The following EDIL3 variants were observed in gnomAD, a reference collection of about 807,000 sequenced individuals.
The protein encoded by EDIL3 is EGF like and discoidin domains 3.
EDIL3 carries 37 observed loss-of-function variants against 67.4 expected under a neutral mutation model. That is an observed-to-expected ratio of 0.55 (90% CI 0.42 to 0.72). The LOEUF (loss-of-function observed/expected upper bound fraction) is 0.72. Among genes scored for constraint, EDIL3 ranks in the 30% least tolerant of loss-of-function variants. The pLI, the probability that EDIL3 is intolerant of heterozygous loss-of-function variation, is 0.00. For missense variants in EDIL3, 527 were observed against 586.3 expected (o/e 0.90, Z 1.04); for synonymous variants, 195 against 196.3 (o/e 0.99, Z 0.05).
intron 6 of EDIL3, among the ~76,000 whole-genome samples, chr5:84,099,469 CA>C: frequency 6.6e-6 from 1 of 152,082 alleles, no homozygotes; most frequent in Non-Finnish European, 1.5e-5. Context: ...CCAAAACAAG[CA>C]ATGGGGAAAG....
chr5:83,964,376 T>G (rs968700651), intron 9 of EDIL3, among the ~76,000 whole-genome samples: 3 of 151,968 alleles, frequency 2.0e-5, no homozygotes, highest in Admixed American at 2.0e-4. Context: ...CTTCCACCTA[T>G]TTCCTATGAC....
intron 3 of EDIL3, among the ~76,000 whole-genome samples, chr5:84,187,956 T>C (rs1743499559): frequency 2.0e-5 from 3 of 152,046 alleles, no homozygotes; most frequent in African/African-American, 7.2e-5. Context: ...ACGTAAACTA[T>C]TTTATGATAC....
intron 1 of EDIL3, among the ~76,000 whole-genome samples, chr5:84,264,958 A>G (rs1745317434): frequency 6.6e-6 from 1 of 152,184 alleles, no homozygotes; most frequent in African/African-American, 2.4e-5. Flanking sequence ...CTAAGCGTAA[A>G]TCTGGTCAGT....
At chr5:84,243,473 T>C (rs3797654) in intron 2 of EDIL3, among the ~76,000 whole-genome samples, 103,510 of 152,124 alleles carry the variant, frequency 0.68, 35,478 homozygotes, top group East Asian at 0.95. Flanking sequence ...TTCTTGAAAA[T>C]GTTTGTAGCT....
chr5:84,327,315 A>G (rs1313706052), intron 1 of EDIL3, among the ~76,000 whole-genome samples: 1 of 151,836 alleles, frequency 6.6e-6, no homozygotes, highest in Non-Finnish European at 1.5e-5. Context: ...TAATGAAACC[A>G]TTCTTTTAAA....
At chr5:83,984,768 G>A (rs1323632678) in intron 9 of EDIL3, among the ~76,000 whole-genome samples, 2 of 152,006 alleles carry the variant, frequency 1.3e-5, no homozygotes, top group Non-Finnish European at 1.5e-5. Context: ...TGCACGGGAT[G>A]TCGTCTGCTT....
chr5:84,220,246 A>G (rs1390255437), intron 3 of EDIL3, among the ~76,000 whole-genome samples: 1 of 152,186 alleles, frequency 6.6e-6, no homozygotes, highest in Admixed American at 6.5e-5. Context: ...CCTACTATGA[A>G]CCCACTAAAA....
chr5:84,106,268 G>T (rs1021502199), intron 6 of EDIL3, among the ~76,000 whole-genome samples: 1 of 151,774 alleles, frequency 6.6e-6, no homozygotes, highest in African/African-American at 2.4e-5. Flanking sequence ...ACTTGCATTT[G>T]TGGACCCACT....
intron 3 of EDIL3, among the ~76,000 whole-genome samples, chr5:84,205,517 CTT>C (rs1257249280): frequency 4.6e-5 from 7 of 152,168 alleles, no homozygotes; most frequent in Non-Finnish European, 1.0e-4. Flanking sequence ...AAACTTGACT[CTT>C]TTGCTGTGAA....
At chr5:84,301,353 T>G (rs1746159337) in intron 1 of EDIL3, among the ~76,000 whole-genome samples, 1 of 151,936 alleles carries the variant, frequency 6.6e-6, no homozygotes, top group African/African-American at 2.4e-5. Flanking sequence ...TGCAAACTCC[T>G]GAAGCAAAAT....
At chr5:84,360,641 G>A (rs757775743) in intron 1 of EDIL3, among the ~76,000 whole-genome samples, 4 of 152,072 alleles carry the variant, frequency 2.6e-5, no homozygotes, top group Non-Finnish European at 5.9e-5. Flanking sequence ...AGTAAACATG[G>A]AAAGGAAAAT....
intron 6 of EDIL3, among the ~76,000 whole-genome samples, chr5:84,104,392 C>CA (rs976586547): frequency 7.3e-4 from 82 of 111,582 alleles, no homozygotes; most frequent in South Asian, 1.1e-3. Flanking sequence ...ATAAAAGTTT[C>CA]AAAAAAAAAA....
intron 5 of EDIL3, among the ~76,000 whole-genome samples, chr5:84,115,830 G>A (rs1173357625): frequency 6.6e-6 from 1 of 152,118 alleles, no homozygotes; most frequent in Non-Finnish European, 1.5e-5. Flanking sequence ...ATAATGCCAA[G>A]GTTAAAATGC....
At chr5:84,258,978 T>G (rs1050606727) in intron 1 of EDIL3, among the ~76,000 whole-genome samples, 5 of 146,500 alleles carry the variant, frequency 3.4e-5, no homozygotes, top group Non-Finnish European at 7.5e-5. Context: ...GTCTTTTTTT[T>G]TTTTTTTTTT....
At chr5:84,227,941 G>A (rs1274090916) in intron 3 of EDIL3, among the ~76,000 whole-genome samples, 5 of 151,918 alleles carry the variant, frequency 3.3e-5, no homozygotes, top group Non-Finnish European at 7.4e-5. Flanking sequence ...AGAGGAAGAG[G>A]GTGTAGGTTG....
At chr5:84,352,468 T>TA (rs952457662) in intron 1 of EDIL3, among the ~76,000 whole-genome samples, 2 of 152,030 alleles carry the variant, frequency 1.3e-5, no homozygotes, top group Admixed American at 1.3e-4. Context: ...TATGCAGCCA[T>TA]AAAAAATGAA....
chr5:84,070,672 C>T (rs1263546104), intron 6 of EDIL3, among the ~76,000 whole-genome samples: 1 of 143,758 alleles, frequency 7.0e-6, no homozygotes, highest in African/African-American at 2.7e-5. Flanking sequence ...TGAGTCTTAC[C>T]ATGGGGGGTG....
At chr5:84,334,485 A>AT (rs1670557838) in intron 1 of EDIL3, among the ~76,000 whole-genome samples, 1 of 152,114 alleles carries the variant, frequency 6.6e-6, no homozygotes, top group Non-Finnish European at 1.5e-5. Flanking sequence ...CCCATATAGA[A>AT]TTTTTTGTCA....
chr5:84,251,980 C>T (rs1005170294), intron 2 of EDIL3, among the ~76,000 whole-genome samples: 3 of 152,054 alleles, frequency 2.0e-5, no homozygotes, highest in Admixed American at 1.3e-4. Flanking sequence ...TATCCAATTT[C>T]TGAATATCAG....
Sources: allele counts gnomAD v4.1 joint callset (sites outside exome capture counted in the v4.1 genomes callset), GRCh38; gene constraint gnomAD v4.1.1; transcripts MANE v1.5; gene names NCBI Gene and HGNC (gene_info 2026-07-23, HGNC 2026-07-21).